Variants in SEC14L1 observed in about 807,000 individuals in gnomAD.
SEC14L1 encodes SEC14 like lipid binding 1, also known as SEC14-like protein 1.
SEC14L1 carries 48 observed loss-of-function variants against 85.3 expected under a neutral mutation model. That is an observed-to-expected ratio of 0.56 (90% CI 0.45 to 0.72). The LOEUF is 0.72. Among genes scored for constraint, SEC14L1 ranks in the 30% least tolerant of loss-of-function variants. The probability of loss-of-function intolerance (pLI) is 0.00; values close to 1 mark genes in which losing one functional copy is unlikely to be tolerated. For synonymous variants in SEC14L1, 391 were observed against 355.5 expected (o/e 1.10, Z -1.12); for missense variants, 682 against 921.4 (o/e 0.74, Z 3.36).
intron 3 of SEC14L1, among the ~76,000 whole-genome samples, chr17:77,158,967 G>A (rs138934255): frequency 4.0e-4 from 61 of 150,792 alleles, no homozygotes; most frequent in African/African-American, 1.2e-3. Context: ...CACCACGCCC[G>A]GCTAATTTTT....
chr17:77,171,890 T>G (rs754326454), intron 3 of SEC14L1, among the ~76,000 whole-genome samples: 18 of 152,166 alleles, frequency 1.2e-4, no homozygotes, highest in Non-Finnish European at 2.1e-4. Flanking sequence ...ATCCTTTATC[T>G]AGGGTAGTGA....
chr17:77,132,851 C>CT (rs10711985), intron 3 of SEC14L1, among the ~76,000 whole-genome samples: 24 of 145,786 alleles, frequency 1.6e-4, no homozygotes, highest in South Asian at 6.6e-4. Context: ...CCCAATCCTC[C>CT]TTTTTTTTTT....
chr17:77,163,099 T>C (rs1050702226), intron 3 of SEC14L1, among the ~76,000 whole-genome samples: 1 of 152,114 alleles, frequency 6.6e-6, no homozygotes. Context: ...CTGGAGGGGA[T>C]TGACGTAGCT....
At chr17:77,199,563 C>T (rs1202900365) in intron 8 of SEC14L1, 1 of 153,368 alleles carries the variant, frequency 6.5e-6, no homozygotes, top group East Asian at 1.9e-4. Flanking sequence ...TCTTTTGTCT[C>T]TGGCACTACG....
chr17:77,211,832 C>A, intron 14 of SEC14L1, 118 bp from the exon 15 acceptor site: 1 of 1,303,244 alleles, frequency 7.7e-7, no homozygotes, highest in Non-Finnish European at 1.1e-6. Flanking sequence ...ACGCATTCAG[C>A]GTTTCCCTCC....
At chr17:77,191,095 C>T (rs1011602439) in intron 4 of SEC14L1, 86 bp from the exon 5 acceptor site, 1 of 1,521,624 alleles carries the variant, frequency 6.6e-7, no homozygotes, top group Non-Finnish European at 9.0e-7. Context: ...GAGGGCAGCC[C>T]CCAGAGACAA....
chr17:77,136,224 CTTTT>C (rs1481617853), upstream of SEC14L1, among the ~76,000 whole-genome samples: 1 of 150,800 alleles, frequency 6.6e-6, no homozygotes, highest in Non-Finnish European at 1.5e-5. Context: ...TCTTTTCTTT[CTTTT>C]CTCTTTCCTT....
chr17:77,185,264 A>G (rs1258267487), intron 3 of SEC14L1: 6 of 985,358 alleles, frequency 6.1e-6, no homozygotes, highest in Non-Finnish European at 7.2e-6. Context: ...GGAGGGAGTA[A>G]GGGAGGCGCT....
At chr17:77,141,954 C>G (rs1346901727) in intron 1 of SEC14L1, among the ~76,000 whole-genome samples, 1 of 152,078 alleles carries the variant, frequency 6.6e-6, no homozygotes, top group Non-Finnish European at 1.5e-5. Flanking sequence ...GAACGTGGTC[C>G]CAGCACATCA....
At chr17:77,204,003 C>T (rs1025384757) in intron 10 of SEC14L1, among the ~76,000 whole-genome samples, 5 of 152,060 alleles carry the variant, frequency 3.3e-5, no homozygotes, top group South Asian at 4.1e-4. Flanking sequence ...CCTTCGTTAA[C>T]GCGAGCTCTT....
intron 3 of SEC14L1, among the ~76,000 whole-genome samples, chr17:77,164,261 C>G (rs1188294570): frequency 6.6e-6 from 1 of 152,234 alleles, no homozygotes; most frequent in African/African-American, 2.4e-5. Flanking sequence ...CGCTCAGGCA[C>G]TTGGCTTTCA....
At chr17:77,122,104 G>A (rs1253312901) in intron 3 of SEC14L1, among the ~76,000 whole-genome samples, 1 of 152,184 alleles carries the variant, frequency 6.6e-6, no homozygotes, top group East Asian at 1.9e-4. Context: ...GATTCCAGGA[G>A]CTATTTGCTT....
intron 3 of SEC14L1, among the ~76,000 whole-genome samples, chr17:77,150,372 C>T (rs1463120571): frequency 4.6e-5 from 7 of 152,188 alleles, no homozygotes; most frequent in Non-Finnish European, 7.3e-5. Context: ...CTGGTGATGC[C>T]ACAGTCTCCC....
intron 3 of SEC14L1, among the ~76,000 whole-genome samples, chr17:77,117,552 T>C (rs771090442): frequency 2.0e-5 from 3 of 152,326 alleles, no homozygotes; most frequent in Non-Finnish European, 4.4e-5. Flanking sequence ...GGCTGATGAA[T>C]TAGCATAACT....
chr17:77,140,744 GCCGGCGC>G (rs1311599878), upstream of SEC14L1: 1 of 151,890 alleles, frequency 6.6e-6, no homozygotes, highest in Non-Finnish European at 1.5e-5. Flanking sequence ...GTGCGACGGG[GCCGGCGC>G]CTTCTCCGAG....
intron 3 of SEC14L1, among the ~76,000 whole-genome samples, chr17:77,158,279 A>T (rs1973897729): frequency 1.3e-5 from 2 of 152,098 alleles, no homozygotes; most frequent in African/African-American, 4.8e-5. Context: ...GAACTTTCTC[A>T]TCTCCCCAAA....
chr17:77,128,399 T>G (rs1972512854), intron 3 of SEC14L1, among the ~76,000 whole-genome samples: 1 of 9,302 alleles, frequency 1.1e-4, no homozygotes, highest in Non-Finnish European at 2.3e-4. Context: ...CATTTTATTT[T>G]ATTTTATTTT....
chr17:77,209,571 T>C, intron 14 of SEC14L1, 95 bp downstream of exon 14: 1 of 1,338,310 alleles, frequency 7.5e-7, no homozygotes, highest in Non-Finnish European at 1.0e-6. Flanking sequence ...TTCAGAACAG[T>C]CCACTCGTTT....
Position 77,215,423 on chromosome 17 carries a change from A to G in SEC14L1, c.*1400A>G. On this transcript the variant is annotated 3_prime_UTR_variant, in exon 17 of 17. Coordinates refer to ENST00000436233, the MANE Select transcript of SEC14L1 (RefSeq NM_001143998.2). ...CGCGGCTGTCAACTGTGTGCGTGGT[A>G]GGCATGGAGATCCTGGTTGTGCCGT... 1.0e-6 allele frequency: 1 copy of G among 985,452 alleles called. No homozygotes were observed. Among genetic ancestry groups the G allele is most frequent in the Non-Finnish European group, 1.2e-6 (1 of 829,986 alleles). The allele number at this position is 985,452 out of a possible 1,614,324, so 61.0% of individuals were successfully genotyped here.
Sources: gnomAD v4.1 joint callset for allele counts (sites outside exome capture counted in the v4.1 genomes callset) on GRCh38, gnomAD v4.1.1 for gene constraint, MANE v1.5 for transcripts, NCBI Gene and HGNC (gene_info 2026-07-23, HGNC 2026-07-21) for gene names.